The following THRB variants were observed in gnomAD, a reference collection of about 807,000 sequenced individuals.
THRB encodes thyroid hormone receptor beta, also known as nuclear receptor subfamily 1 group A member 2.
In THRB, 12 loss-of-function variants were observed where a neutral mutation model predicts 47.8. The ratio of observed to expected loss-of-function variants is 0.25; its 90% CI spans 0.16 to 0.41. THRB has a LOEUF of 0.41. Among genes scored for constraint, THRB ranks in the 10% least tolerant of loss-of-function variants. The pLI, the probability that THRB is intolerant of heterozygous loss-of-function variation, is 1.00. For missense variants in THRB, 348 were observed against 589.2 expected, an observed-to-expected ratio of 0.59 and a Z score of 4.24; for synonymous variants, 218 against 212.2, an observed-to-expected ratio of 1.03 and a Z score of -0.24.
chr3:24,368,070 T>C lies in THRB; in HGVS notation c.-260-30699A>G, dbSNP rs536944662. The stretch of plus-strand genomic sequence containing the variant: ...AATCCCACATACAAGATAACAATGC[T>C]ACTTAACATATGTAATTATTTTATG... On this transcript the variant is annotated intron_variant, in intron 1 of 10. Transcript: ENST00000646209. Among the ~76,000 whole-genome samples the C allele has an allele frequency of 9.8e-5, 15 of 152,300 alleles. No individual in the cohort carries two copies. The South Asian group carries it at 3.1e-3, about 32-fold the overall frequency.
At chr3:24,158,426 T>G (rs2038211985) in intron 5 of THRB, among the ~76,000 whole-genome samples, 1 of 92,680 alleles carries the variant, frequency 1.1e-5, no homozygotes. Flanking sequence ...ATAACTTTTT[T>G]TTTTTTTGGG....
In THRB at chr3:24,339,469, G is replaced by A. The variant is rs146896778; in HGVS notation, c.-260-2098C>T. Among the ~76,000 whole-genome samples the A allele has an allele frequency of 3.6e-3, 552 of 152,190 alleles. 6 individuals are homozygous for A. Among genetic ancestry groups the A allele is most frequent in the South Asian group, 0.025 (118 of 4,804 alleles). On this transcript the variant is annotated intron_variant, in intron 1 of 10. Transcript: ENST00000646209. ...GTGCAGAAGAGGCCAGCCAAGAATCGCACCCAGGCAGTCTGATGTCATGGG... is the reference window on the plus strand; with the variant it reads ...GTGCAGAAGAGGCCAGCCAAGAATCACACCCAGGCAGTCTGATGTCATGGG...
chr3:24,186,944 C>CAAAAAAAA (rs71057655), intron 5 of THRB, among the ~76,000 whole-genome samples: 3 of 77,532 alleles, frequency 3.9e-5, no homozygotes, highest in Non-Finnish European at 7.3e-5. Flanking sequence ...GACTCCATTT[C>CAAAAAAAA]AAAAAAAAAA....
At chr3:24,135,385 T>C (rs1380809448) in intron 8 of THRB, among the ~76,000 whole-genome samples, 1 of 152,212 alleles carries the variant, frequency 6.6e-6, no homozygotes, top group African/African-American at 2.4e-5. Context: ...TTTTTGACCA[T>C]CCAGCATTGT....
At chr3:24,431,894 T>A (rs550677728) in intron 1 of THRB, among the ~76,000 whole-genome samples, 16 of 152,100 alleles carry the variant, frequency 1.1e-4, no homozygotes, top group Non-Finnish European at 2.1e-4. Flanking sequence ...TGTAGGAACA[T>A]ATATATGACA....
chr3:24,442,390 G>A (rs2071615020), intron 1 of THRB, among the ~76,000 whole-genome samples: 1 of 152,150 alleles, frequency 6.6e-6, no homozygotes, highest in Non-Finnish European at 1.5e-5. Context: ...ATGAATCCAG[G>A]TAGAATATTC....
intron 8 of THRB, among the ~76,000 whole-genome samples, chr3:24,135,987 T>C (rs1049887810): frequency 6.6e-6 from 1 of 151,840 alleles, no homozygotes; most frequent in Non-Finnish European, 1.5e-5. Context: ...TGAATACTGA[T>C]AGAGCTGATC....
intron 1 of THRB, among the ~76,000 whole-genome samples, chr3:24,398,436 T>C (rs1296540481): frequency 1.3e-5 from 2 of 152,172 alleles, no homozygotes; most frequent in African/African-American, 4.8e-5. Flanking sequence ...CAGACACTTT[T>C]CAAAGGAAGA....
At chr3:24,493,929 C>G (rs1417267681) in intron 1 of THRB, among the ~76,000 whole-genome samples, 27 of 152,218 alleles carry the variant, frequency 1.8e-4, no homozygotes, top group Admixed American at 1.6e-3. Flanking sequence ...GAGTCCTTCT[C>G]CGAGGGGGTG....
At chr3:24,396,390 G>GT (rs11383376) in intron 1 of THRB, among the ~76,000 whole-genome samples, 141,227 of 152,052 alleles carry the variant, frequency 0.93, 65,845 homozygotes, top group Non-Finnish European at 0.96. Context: ...AAAACACTGA[G>GT]TTCCTTTCAA....
At chr3:24,207,483 A>T (rs2045517810) in intron 4 of THRB, among the ~76,000 whole-genome samples, 1 of 152,240 alleles carries the variant, frequency 6.6e-6, no homozygotes, top group African/African-American at 2.4e-5. Flanking sequence ...TTAGGTACTG[A>T]TGGGACATAT....
chr3:24,258,119 T>A (rs1455846659), intron 3 of THRB, among the ~76,000 whole-genome samples: 1 of 151,914 alleles, frequency 6.6e-6, no homozygotes, highest in Non-Finnish European at 1.5e-5. Flanking sequence ...GGGAGGAGAA[T>A]GAGGTGAAAG....
intron 8 of THRB, among the ~76,000 whole-genome samples, 168 bp from the exon 9 acceptor site, chr3:24,133,630 T>C (rs1289754902): frequency 6.6e-6 from 1 of 152,186 alleles, no homozygotes; most frequent in Non-Finnish European, 1.5e-5. Flanking sequence ...TGAGTAAAGA[T>C]ATATGTTTTG....
intron 3 of THRB, among the ~76,000 whole-genome samples, chr3:24,295,317 C>A (rs1054674315): frequency 2.0e-5 from 3 of 152,198 alleles, no homozygotes; most frequent in Non-Finnish European, 4.4e-5. Flanking sequence ...CAAGAAGGTA[C>A]ATTTTTCTTT....
At chr3:24,325,039 CTG>C (rs1445363507) in intron 2 of THRB, among the ~76,000 whole-genome samples, 3 of 152,218 alleles carry the variant, frequency 2.0e-5, no homozygotes, top group Admixed American at 1.3e-4. Flanking sequence ...TCTCTTCAGA[CTG>C]TGTATTAAAT....
intron 1 of THRB, among the ~76,000 whole-genome samples, chr3:24,383,948 G>C (rs1232587484): frequency 6.6e-6 from 1 of 152,060 alleles, no homozygotes; most frequent in African/African-American, 2.4e-5. Flanking sequence ...ATTCAAGATG[G>C]TAAATTCTCA....
At chr3:24,153,612 C>T (rs1370940909) in intron 5 of THRB, among the ~76,000 whole-genome samples, 1 of 152,164 alleles carries the variant, frequency 6.6e-6, no homozygotes, top group Non-Finnish European at 1.5e-5. Flanking sequence ...TCCTGTTTCC[C>T]TCCTGTCTTT....
chr3:24,310,846 A>G (rs1464081596), intron 2 of THRB, among the ~76,000 whole-genome samples: 1 of 152,204 alleles, frequency 6.6e-6, no homozygotes, highest in Admixed American at 6.5e-5. Context: ...CAAAATGTCA[A>G]TAGTGCTGCT....
At chr3:24,161,854 G>A (rs1047913554) in intron 5 of THRB, among the ~76,000 whole-genome samples, 1 of 23,452 alleles carries the variant, frequency 4.3e-5, no homozygotes, top group African/African-American at 2.3e-4. Context: ...CCATCTCCTC[G>A]ATCCTGGCTT....
Sources: allele counts gnomAD v4.1 joint callset (sites outside exome capture counted in the v4.1 genomes callset), GRCh38; gene constraint gnomAD v4.1.1; transcripts MANE v1.5; gene names NCBI Gene and HGNC (gene_info 2026-07-23, HGNC 2026-07-21).